The following RABGEF1 variants were observed in gnomAD, a reference collection of about 807,000 sequenced individuals.
RABGEF1 encodes the protein RAB guanine nucleotide exchange factor 1.
A neutral mutation model predicts 57.3 loss-of-function variants in RABGEF1; 26 were observed. The observed-to-expected ratio is 0.45, with a 90% CI of 0.33 to 0.63. The LOEUF (loss-of-function observed/expected upper bound fraction) is 0.63, where lower values mean the gene tolerates loss of function less well. Ranked by LOEUF, RABGEF1 falls within the 20% of genes least tolerant of loss-of-function variation. The pLI is 0.02. For missense variants in RABGEF1, 464 were observed against 607.6 expected (o/e 0.76, Z 2.48); for synonymous variants, 185 against 210.7 (o/e 0.88, Z 1.06).
chr7:66,705,167 G>A (rs1339302355), intron 1 of RABGEF1, among the ~76,000 whole-genome samples: 6 of 152,124 alleles, frequency 3.9e-5, no homozygotes, highest in Admixed American at 3.3e-4. Flanking sequence ...TTGGGAGGCC[G>A]AGGCAGGCAT....
chr7:66,764,225 GATGTGGA>G (rs1805140145), intron 1 of RABGEF1, among the ~76,000 whole-genome samples: 1 of 152,140 alleles, frequency 6.6e-6, no homozygotes, highest in Non-Finnish European at 1.5e-5. Flanking sequence ...GATGACTGAT[GATGTGGA>G]ACATCTTTTC....
At chr7:66,742,430 G>C (rs1379110669) in intron 1 of RABGEF1, among the ~76,000 whole-genome samples, 2 of 152,178 alleles carry the variant, frequency 1.3e-5, no homozygotes, top group Non-Finnish European at 2.9e-5. Flanking sequence ...AGCTAAGATG[G>C]AGCACCGAGG....
chr7:66,797,435 C>T lies in RABGEF1; in HGVS notation c.657C>T (p.Leu219=), dbSNP rs776370936. ...DQIEKYIMTR[L]YKYVFCPETT... ...TTGAAAAGTACATCATGACTCGTCTCTATAAATATGTATTCTGTCCAGAAA... is the reference window on the plus strand; with the variant it reads ...TTGAAAAGTACATCATGACTCGTCTTTATAAATATGTATTCTGTCCAGAAA... Residue 219 remains leucine (L), a synonymous_variant, in exon 6 of 9, where the codon CTC becomes CTT. Transcript: ENST00000284957. 7.4e-6 allele frequency: 12 copies of T among 1,611,556 alleles called. No individual in the cohort carries two copies. The highest frequency in any genetic ancestry group is 1.1e-5 in the South Asian group (1 of 90,852).
intron 2 of RABGEF1, among the ~76,000 whole-genome samples, chr7:66,730,249 C>T (rs1797147297): frequency 6.6e-6 from 1 of 152,224 alleles, no homozygotes; most frequent in East Asian, 1.9e-4. Flanking sequence ...GGGAGCATTT[C>T]CAGCCTCCAC....
At chr7:66,687,212 G>C (rs1790796619) in intron 1 of RABGEF1, among the ~76,000 whole-genome samples, 1 of 143,914 alleles carries the variant, frequency 6.9e-6, no homozygotes, top group African/African-American at 2.6e-5. Context: ...TGCAACCTCT[G>C]CCTCCCAAGT....
chr7:66,765,454 A>G (rs888266122), intron 1 of RABGEF1, among the ~76,000 whole-genome samples: 3 of 152,004 alleles, frequency 2.0e-5, no homozygotes, highest in African/African-American at 7.2e-5. Flanking sequence ...CATAGATAAT[A>G]GGCTCTACTG....
chr7:66,669,247 A>T, the RABGEF1 span: 10 of 152,440 alleles, frequency 6.6e-5, no homozygotes, highest in African/African-American at 1.7e-4. Flanking sequence ...AGCATCTTGG[A>T]TGGAGAAACC....
intron 1 of RABGEF1, among the ~76,000 whole-genome samples, chr7:66,759,548 AAGG>A (rs373180757): frequency 1.7e-3 from 252 of 152,278 alleles, no homozygotes; most frequent in Non-Finnish European, 3.2e-3. Context: ...TTTATAAAGA[AAGG>A]AGGTTTAATT....
chr7:66,656,640 T>A, the RABGEF1 span, among the ~76,000 whole-genome samples: 1 of 151,900 alleles, frequency 6.6e-6, no homozygotes, highest in Admixed American at 6.6e-5. Flanking sequence ...AGCAACATGG[T>A]GAAACCGTGT....
chr7:66,788,730 G>C (rs1294626089), intron 4 of RABGEF1, among the ~76,000 whole-genome samples: 1 of 152,090 alleles, frequency 6.6e-6, no homozygotes. Context: ...TGTAATCCTA[G>C]CACTTTGGGA....
At chr7:66,791,172 TTTTG>T (rs763828112) in intron 4 of RABGEF1, among the ~76,000 whole-genome samples, 1 of 152,226 alleles carries the variant, frequency 6.6e-6, no homozygotes, top group East Asian at 1.9e-4. Context: ...TTTCTGGCTT[TTTTG>T]TTTGTTTTTG....
At chr7:66,803,872 G>A (rs1787842395) in intron 7 of RABGEF1, among the ~76,000 whole-genome samples, 1 of 150,142 alleles carries the variant, frequency 6.7e-6, no homozygotes, top group Non-Finnish European at 1.5e-5. Context: ...CGGGGCAACA[G>A]AGTGAGATGC....
intron 2 of RABGEF1, chr7:66,773,848 T>A (rs1807830751): frequency 2.4e-6 from 1 of 419,678 alleles, no homozygotes; most frequent in Admixed American, 2.6e-5. Context: ...GTATTTTATG[T>A]AGAGACAGGG....
At chr7:66,760,761 T>C (rs1804120315) in intron 1 of RABGEF1, among the ~76,000 whole-genome samples, 1 of 109,336 alleles carries the variant, frequency 9.1e-6, no homozygotes, top group Non-Finnish European at 2.1e-5. Flanking sequence ...AATTTTAACA[T>C]AATGGCTAAT....
intron 2 of RABGEF1, among the ~76,000 whole-genome samples, chr7:66,721,525 A>G (rs1328945103): frequency 6.6e-6 from 1 of 152,138 alleles, no homozygotes; most frequent in Non-Finnish European, 1.5e-5. Flanking sequence ...GTGCAGCATC[A>G]TCAAATTCCA....
intron 1 of RABGEF1, among the ~76,000 whole-genome samples, chr7:66,691,176 A>T (rs1791464662): frequency 6.6e-6 from 1 of 152,222 alleles, no homozygotes; most frequent in Admixed American, 6.5e-5. Context: ...GTGGAACTGT[A>T]AACTAGTAGC....
intron 2 of RABGEF1, among the ~76,000 whole-genome samples, chr7:66,727,354 C>G (rs917476606): frequency 7.9e-5 from 12 of 152,334 alleles, no homozygotes; most frequent in East Asian, 3.9e-4. Context: ...GGGCCTAGGG[C>G]TTCCTCCAAT....
At chr7:66,718,444 T>C (rs1257034300) in intron 2 of RABGEF1, among the ~76,000 whole-genome samples, 1 of 152,236 alleles carries the variant, frequency 6.6e-6, no homozygotes, top group East Asian at 1.9e-4. Context: ...GTTAATTATC[T>C]TTTTCCATGT....
intron 1 of RABGEF1, among the ~76,000 whole-genome samples, chr7:66,757,111 C>G (rs550168506): frequency 3.3e-5 from 5 of 152,284 alleles, no homozygotes; most frequent in African/African-American, 1.2e-4. Context: ...AGTAAACTTA[C>G]ACATTTTGGA....
Sources: gnomAD v4.1 joint callset for allele counts (sites outside exome capture counted in the v4.1 genomes callset) on GRCh38, gnomAD v4.1.1 for gene constraint, MANE v1.5 for transcripts, NCBI Gene and HGNC (gene_info 2026-07-23, HGNC 2026-07-21) for gene names.